DST: variants seen among roughly 807,000 people sequenced by gnomAD.
The protein encoded by DST is dystonin.
A neutral mutation model predicts 875.2 loss-of-function variants in DST; 253 were observed. The observed-to-expected ratio is 0.29, with a 90% CI of 0.26 to 0.32. DST has a LOEUF of 0.32. Ranked by LOEUF, DST falls within the 10% of genes least tolerant of loss-of-function variation. The probability of loss-of-function intolerance (pLI) is 1.00; values close to 1 mark genes in which losing one functional copy is unlikely to be tolerated. For synonymous variants in DST, 3,124 were observed against 3,197.1 expected, an observed-to-expected ratio of 0.98 and a Z score of 0.77; for missense variants, 8,287 against 9,111.6, an observed-to-expected ratio of 0.91 and a Z score of 3.68.
chr6:56,666,837 GCTAT>G (rs1200209959), intron 10 of DST, among the ~76,000 whole-genome samples: 3 of 150,280 alleles, frequency 2.0e-5, no homozygotes, highest in Non-Finnish European at 4.4e-5. Context: ...CTGGACTCAA[GCTAT>G]CCACCCACCT....
chr6:56,562,330 T>C, intron 55 of DST, 130 bp from the exon 56 acceptor site: 1 of 507,222 alleles, frequency 2.0e-6, no homozygotes, highest in Non-Finnish European at 3.4e-6. Flanking sequence ...CAAAATCAAA[T>C]GAAGGTCCAA....
chr6:56,925,502 C>G (rs1806575587), intron 2 of DST, among the ~76,000 whole-genome samples: 1 of 152,216 alleles, frequency 6.6e-6, no homozygotes, highest in Non-Finnish European at 1.5e-5. Flanking sequence ...CAGGTAAAAA[C>G]TGGCCTTCTT....
chr6:56,499,962 G>C (rs2096065862), intron 80 of DST, among the ~76,000 whole-genome samples: 1 of 152,142 alleles, frequency 6.6e-6, no homozygotes, highest in South Asian at 2.1e-4. Flanking sequence ...TCAACATTAA[G>C]TGTGCAAAAT....
chr6:56,466,157 C>T lies in DST; in HGVS notation c.22608G>A (p.Leu7536=). The change falls in exon 99 of 104, where the codon CTG becomes CTA. Residue 7536 remains leucine (L), a synonymous_variant. Coordinates refer to ENST00000680361, the MANE Select transcript of DST (RefSeq NM_001374736.1). ...CAACACGAACCATCACAGTACTCCG[C>T]AGGATCCGGACCAGTCGCAGTTGCT... is the stretch of plus-strand genomic sequence containing the variant. ...DSQQLRLVRI[L]RSTVMVRVGG... is the part of the protein sequence containing the mutation. The T allele has an allele frequency of 6.2e-7, 1 of 1,612,660 alleles. No homozygotes were observed. Among genetic ancestry groups the T allele is most frequent in the South Asian group, 1.1e-5 (1 of 90,608 alleles).
intron 87 of DST, among the ~76,000 whole-genome samples, chr6:56,486,893 T>C (rs1220428233): frequency 6.6e-6 from 1 of 152,160 alleles, no homozygotes; most frequent in Admixed American, 6.5e-5. Flanking sequence ...TGGACAATGA[T>C]ATCACTTTTT....
intron 2 of DST, among the ~76,000 whole-genome samples, chr6:56,921,447 T>C (rs1804178758): frequency 6.6e-6 from 1 of 152,228 alleles, no homozygotes; most frequent in East Asian, 1.9e-4. Context: ...ATGGATGAAC[T>C]TGAAAAACAA....
chr6:56,642,610 A>G (rs770014207), intron 15 of DST, 107 bp from the exon 16 acceptor site: 1 of 1,614,070 alleles, frequency 6.2e-7, no homozygotes, highest in Non-Finnish European at 8.5e-7. Flanking sequence ...TCCCACACCA[A>G]TGATTCAATA....
chr6:56,946,268 A>G (rs894395758), intron 2 of DST, among the ~76,000 whole-genome samples: 1 of 152,228 alleles, frequency 6.6e-6, no homozygotes, highest in Non-Finnish European at 1.5e-5. Flanking sequence ...CAACTAAATT[A>G]AAGACTGAAA....
chr6:56,750,792 T>C (rs1400420240), intron 4 of DST, among the ~76,000 whole-genome samples: 1 of 152,230 alleles, frequency 6.6e-6, no homozygotes, highest in African/African-American at 2.4e-5. Context: ...CACCCTGAGA[T>C]AGCACTGATG....
At chr6:56,631,741 C>A in intron 29 of DST, 142 bp downstream of exon 29, 1 of 751,732 alleles carries the variant, frequency 1.3e-6, no homozygotes, top group Non-Finnish European at 2.3e-6. Flanking sequence ...TTATAATCAG[C>A]AATAATTACA....
intron 102 of DST, chr6:56,462,172 A>G (rs756098224): frequency 9.9e-5 from 15 of 152,198 alleles, no homozygotes; most frequent in Non-Finnish European, 2.1e-4. Flanking sequence ...AAGAAAAGGT[A>G]TTTAGGGATT....
At chr6:56,596,432 T>C (rs530505284) in intron 47 of DST, among the ~76,000 whole-genome samples, 1 of 152,328 alleles carries the variant, frequency 6.6e-6, no homozygotes, top group South Asian at 2.1e-4. Flanking sequence ...CTGTGTGATA[T>C]CTTTATGTTT....
intron 5 of DST, among the ~76,000 whole-genome samples, chr6:56,725,829 T>A (rs753067111): frequency 5.9e-5 from 9 of 152,172 alleles, no homozygotes; most frequent in Non-Finnish European, 1.3e-4. Flanking sequence ...ATTCCATATG[T>A]TAAGAACTCT....
intron 36 of DST, chr6:56,618,633 T>C (rs1354941040): frequency 6.2e-7 from 1 of 1,614,106 alleles, no homozygotes; most frequent in Non-Finnish European, 8.5e-7. Flanking sequence ...TCAAGTTCTT[T>C]AATGTTTGTT....
intron 71 of DST, among the ~76,000 whole-genome samples, chr6:56,516,397 CAG>C (rs534500728): frequency 1.5e-3 from 230 of 152,206 alleles, no homozygotes; most frequent in Non-Finnish European, 2.8e-3. Context: ...TTTTTCACAT[CAG>C]AGTCTTTATA....
intron 4 of DST, among the ~76,000 whole-genome samples, chr6:56,751,749 A>C (rs1007033988): frequency 2.6e-5 from 4 of 152,172 alleles, no homozygotes; most frequent in Non-Finnish European, 2.9e-5. Context: ...TAGAAACTAA[A>C]ATTTTTTTCC....
Position 56,608,206 on chromosome 6 carries a change from A to G in DST, c.6422T>C (p.Ile2141Thr), listed in dbSNP as rs769164207. The change falls in exon 40 of 104, where the codon ATA (isoleucine) becomes ACA (threonine). Residue 2141 changes from isoleucine to threonine, a missense_variant. By Grantham distance (89) the Ile-to-Thr change is moderately conservative. This residue lies in a region of DST where 3,138 missense variants were observed against 3,116.6 expected (regional missense o/e 1.01). Transcript: ENST00000680361. ...ATCTGGCATTTTATCAGGCAGTGTT[A>G]TATTTTTTAAAATTGATGCTGTGTT... The part of the protein sequence containing the change: ...DNNTASILKN[I>T]TLPDKMPDLG... 2 of 1,613,664 alleles carry G rather than the reference A, an allele frequency of 1.2e-6. No homozygotes were observed. The highest frequency in any genetic ancestry group is 2.2e-5 in the South Asian group (2 of 91,080).
At chr6:56,762,436 C>T (rs2099619464) in intron 4 of DST, among the ~76,000 whole-genome samples, 1 of 152,212 alleles carries the variant, frequency 6.6e-6, no homozygotes, top group Admixed American at 6.5e-5. Context: ...GCTTCAAAAG[C>T]AGCTCCTCCA....
At chr6:56,770,812 C>A (rs914585264) in intron 4 of DST, among the ~76,000 whole-genome samples, 8 of 152,012 alleles carry the variant, frequency 5.3e-5, no homozygotes, top group Non-Finnish European at 8.8e-5. Context: ...ACCAGCCTGA[C>A]CAACATGGAG....
Sources: gnomAD v4.1 joint callset for allele counts (sites outside exome capture counted in the v4.1 genomes callset) on GRCh38, gnomAD v4.1.1 for gene constraint, gnomAD v4.1.1 regional missense constraint, MANE v1.5 for transcripts, NCBI Gene and HGNC (gene_info 2026-07-23, HGNC 2026-07-21) for gene names.